The following GRHL2 variants were observed in gnomAD, a reference collection of about 807,000 sequenced individuals.
The protein encoded by GRHL2 is grainyhead-like protein 2 homolog.
A neutral mutation model predicts 83.8 loss-of-function variants in GRHL2; 21 were observed. The ratio of observed to expected loss-of-function variants is 0.25; its 90% CI spans 0.18 to 0.36. The LOEUF (loss-of-function observed/expected upper bound fraction) is 0.36. Among genes scored for constraint, GRHL2 ranks in the 10% least tolerant of loss-of-function variants. GRHL2 has a pLI of 1.00. For synonymous variants in GRHL2, 280 were observed against 278.9 expected (o/e 1.00, Z -0.04); for missense variants, 623 against 781.8 (o/e 0.80, Z 2.42).
rs1031972679 is a variant in GRHL2, at chr8:101,511,658, T to C, written c.20+18869T>C. On this transcript the variant is annotated intron_variant, in intron 1 of 15. Transcript: ENST00000646743. Reference sequence around the variant, plus strand: ...GCCACTGTGCCCGGCCTCATCTTGTTTTTAGTTTTTTTTTTTTTAAATATC... The same window carrying C: ...GCCACTGTGCCCGGCCTCATCTTGTCTTTAGTTTTTTTTTTTTTAAATATC... 3.3e-5 allele frequency among the ~76,000 whole-genome samples: 5 copies of C among 151,688 alleles called. No homozygotes were observed. In the East Asian group the frequency reaches 7.7e-4, roughly 23 times the overall value.
At chr8:101,610,489 G>T (rs116643798) in intron 8 of GRHL2, among the ~76,000 whole-genome samples, 1 of 150,812 alleles carries the variant, frequency 6.6e-6, no homozygotes, top group Non-Finnish European at 1.5e-5. Flanking sequence ...CTGTCATGGG[G>T]GTGAGAGCTT....
rs749973506 is a variant in GRHL2 at position 101,668,883 on chromosome 8, C to CTGT, written c.*2182_*2184dup. 1.3e-5 allele frequency: 2 copies of CTGT among 152,260 alleles called. No homozygotes were observed. The highest frequency in any genetic ancestry group is 4.8e-5 in the African/African-American group (2 of 41,462). 9.4% of individuals were successfully genotyped at this position (152,260 alleles called of 1,614,324 possible). On this transcript the variant is annotated 3_prime_UTR_variant, in exon 16 of 16. Transcript: ENST00000646743. ...CTCTCTCTCCAGCCTCTTTATGAAA[C>CTGT]TGTTTGTTTGCCAGTCCTGCCCTAA...
intron 14 of GRHL2, among the ~76,000 whole-genome samples, chr8:101,654,484 C>T (rs999680457): frequency 1.3e-5 from 2 of 152,116 alleles, no homozygotes; most frequent in Non-Finnish European, 2.9e-5. Flanking sequence ...TGTTATTGCC[C>T]CTACTGAACA....
intron 1 of GRHL2, among the ~76,000 whole-genome samples, chr8:101,531,399 G>A (rs1810926772): frequency 6.6e-6 from 1 of 152,138 alleles, no homozygotes; most frequent in Non-Finnish European, 1.5e-5. Flanking sequence ...GAATACATGA[G>A]TTAACCCATG....
intron 9 of GRHL2, among the ~76,000 whole-genome samples, chr8:101,621,206 G>T (rs1422882227): frequency 6.6e-6 from 1 of 152,144 alleles, no homozygotes; most frequent in Non-Finnish European, 1.5e-5. Flanking sequence ...CATGAAAAAA[G>T]AGATTAAGAT....
At chr8:101,499,545 C>T (rs1197461454) in intron 1 of GRHL2, among the ~76,000 whole-genome samples, 1 of 152,118 alleles carries the variant, frequency 6.6e-6, no homozygotes, top group Non-Finnish European at 1.5e-5. Context: ...GTGAACTTTG[C>T]TGCATTCTTT....
chr8:101,507,456 A>G (rs1810363368), intron 1 of GRHL2, among the ~76,000 whole-genome samples: 1 of 152,188 alleles, frequency 6.6e-6, no homozygotes, highest in Non-Finnish European at 1.5e-5. Flanking sequence ...AAAGTATCAG[A>G]AAATAACACT....
chr8:101,652,483 G>A (rs1476552231), intron 14 of GRHL2, among the ~76,000 whole-genome samples: 2 of 75,784 alleles, frequency 2.6e-5, no homozygotes, highest in Non-Finnish European at 4.8e-5. Flanking sequence ...TGTGTGGTAT[G>A]TGTGTATGTG....
chr8:101,494,358 A>G (rs1204479455), intron 1 of GRHL2, among the ~76,000 whole-genome samples: 2 of 152,212 alleles, frequency 1.3e-5, no homozygotes, highest in African/African-American at 2.4e-5. Flanking sequence ...ACTGCCAGAT[A>G]GTTGTACCCC....
chr8:101,502,614 A>G (rs1243774462), intron 1 of GRHL2, among the ~76,000 whole-genome samples: 2 of 152,218 alleles, frequency 1.3e-5, no homozygotes, highest in African/African-American at 4.8e-5. Flanking sequence ...GAGACAGCCC[A>G]GGAAGTGTTC....
At position 101,502,536 on chromosome 8, in the gene GRHL2, A is replaced by T. The variant is rs1309630539; in HGVS notation, c.20+9747A>T. Among the ~76,000 whole-genome samples, 4 of 152,216 alleles carry T rather than the reference A, an allele frequency of 2.6e-5. No homozygotes were observed. The East Asian group carries it at 7.7e-4, about 29-fold the overall frequency. On this transcript the variant is annotated intron_variant, in intron 1 of 15. Coordinates refer to ENST00000646743, the MANE Select transcript of GRHL2 (RefSeq NM_024915.4). ...CGGACTCCCGCACAGCCTTGCTGGG[A>T]TGGTAGAAAAGTGGTACAAGAAAAT...
intron 8 of GRHL2, among the ~76,000 whole-genome samples, chr8:101,609,425 T>A (rs1257122677): frequency 1.3e-5 from 2 of 150,988 alleles, no homozygotes; most frequent in East Asian, 3.8e-4. Context: ...CCAGGCCTCC[T>A]GGCGATTCTG....
intron 4 of GRHL2, among the ~76,000 whole-genome samples, chr8:101,565,568 G>A (rs1586100951): frequency 6.6e-6 from 1 of 152,160 alleles, no homozygotes; most frequent in Non-Finnish European, 1.5e-5. Context: ...GTGGTTTCTA[G>A]TGTCTCCCCA....
At chr8:101,498,151 CT>C (rs1810146219) in intron 1 of GRHL2, among the ~76,000 whole-genome samples, 1 of 152,186 alleles carries the variant, frequency 6.6e-6, no homozygotes, top group Non-Finnish European at 1.5e-5. Flanking sequence ...CAGAGTATTG[CT>C]CTGTTGCCCA....
At chr8:101,655,716 T>TCAAG (rs138869250) in intron 14 of GRHL2, among the ~76,000 whole-genome samples, 4,728 of 152,332 alleles carry the variant, frequency 0.031, 94 homozygotes, top group Middle Eastern at 0.14. Context: ...ATTACATCAA[T>TCAAG]CAAGCCATCC....
intron 14 of GRHL2, among the ~76,000 whole-genome samples, chr8:101,652,384 G>GT (rs1372190037): frequency 4.9e-5 from 3 of 61,422 alleles, no homozygotes; most frequent in Admixed American, 1.7e-4. Context: ...ATGTGTGTGT[G>GT]GTGTGTGTGT....
In GRHL2 at chr8:101,519,768, A is replaced by G. The variant is rs188786338; in HGVS notation, c.21-23473A>G. On this transcript the variant is annotated intron_variant, in intron 1 of 15. Transcript: ENST00000646743. ...TGAAGATATATGTATATGTGCATGT[A>G]TATTCACATAACATATGCATATACA... Among the ~76,000 whole-genome samples the G allele has an allele frequency of 1.1e-3, 162 of 152,302 alleles. 1 individual carries two copies. Among genetic ancestry groups the G allele is most frequent in the Non-Finnish European group, 7.1e-4 (48 of 68,034 alleles).
chr8:101,507,647 AT>A (rs1273196015), intron 1 of GRHL2, among the ~76,000 whole-genome samples: 1 of 151,992 alleles, frequency 6.6e-6, no homozygotes, highest in African/African-American at 2.4e-5. Flanking sequence ...GACAATAAAT[AT>A]TTTTAATGGC....
In GRHL2 at chr8:101,656,850, TA is replaced by T. The variant is rs201033173; in HGVS notation, c.1698+7352del. On this transcript the variant is annotated intron_variant, in intron 14 of 15. Transcript: ENST00000646743. ...TTCATGTGTCTGTCTGTGTGTCTGTTAGTGTATTTTATGTGTCTAACAGACA... is the reference window on the plus strand; with the variant it reads ...TTCATGTGTCTGTCTGTGTGTCTGTTGTGTATTTTATGTGTCTAACAGACA... Among the ~76,000 whole-genome samples the T allele has an allele frequency of 9.0e-3, 1,260 of 139,960 alleles. 15 individuals carry two copies. The highest frequency in any genetic ancestry group is 0.056 in the East Asian group (272 of 4,874). 91.8% of individuals were successfully genotyped at this position (139,960 alleles called of 152,430 possible).
Sources: gnomAD v4.1 joint callset for allele counts (sites outside exome capture counted in the v4.1 genomes callset) on GRCh38, gnomAD v4.1.1 for gene constraint, MANE v1.5 for transcripts, NCBI Gene and HGNC (gene_info 2026-07-23, HGNC 2026-07-21) for gene names.